Variants in FRMD3 observed in about 807,000 individuals in gnomAD.
The protein encoded by FRMD3 is FERM domain containing 3, also known as FERM domain-containing protein 3.
Under a neutral mutation model 70.2 loss-of-function variants are expected in FRMD3, and 33 were observed. That is an observed-to-expected ratio of 0.47 (90% confidence interval 0.36 to 0.63). The LOEUF is 0.63. Ranked by LOEUF, FRMD3 falls within the 20% of genes least tolerant of loss-of-function variation. FRMD3 has a pLI of 0.00. For missense variants in FRMD3, 632 were observed against 711.4 expected, an observed-to-expected ratio of 0.89 and a Z score of 1.27; for synonymous variants, 279 against 255.9, an observed-to-expected ratio of 1.09 and a Z score of -0.86.
At chr9:83,358,239 G>A (rs1469226071) in intron 3 of FRMD3, among the ~76,000 whole-genome samples, 1 of 152,190 alleles carries the variant, frequency 6.6e-6, no homozygotes, top group Non-Finnish European at 1.5e-5. Context: ...TCAGTTGGCT[G>A]TAAGTATTTG....
intron 1 of FRMD3, among the ~76,000 whole-genome samples, chr9:83,464,095 G>C (rs1828051546): frequency 6.6e-6 from 1 of 152,158 alleles, no homozygotes; most frequent in African/African-American, 2.4e-5. Context: ...TGGCAACAAA[G>C]GCCATCAGAC....
At chr9:83,267,409 G>C in intron 13 of FRMD3, 1 of 805,406 alleles carries the variant, frequency 1.2e-6, no homozygotes, top group Middle Eastern at 4.3e-4. Context: ...TAAACCTTCC[G>C]GACCAAAACA....
intron 1 of FRMD3, among the ~76,000 whole-genome samples, chr9:83,407,808 T>C (rs1299491508): frequency 7.2e-6 from 1 of 137,940 alleles, no homozygotes; most frequent in Non-Finnish European, 1.5e-5. Flanking sequence ...CCTAGACTGG[T>C]CTGGCCAGCA....
At chr9:83,273,163 T>C in intron 13 of FRMD3, among the ~76,000 whole-genome samples, 1 of 152,236 alleles carries the variant, frequency 6.6e-6, no homozygotes. Context: ...CGGGCCATGA[T>C]GACGATGGTG....
At chr9:83,542,703 A>G (rs996228888), upstream of FRMD3, among the ~76,000 whole-genome samples, 2 of 152,248 alleles carry the variant, frequency 1.3e-5, no homozygotes, top group East Asian at 3.8e-4. Flanking sequence ...TTAAGACTTA[A>G]TATAAAACCA....
rs185270520 is a variant in FRMD3, at chr9:83,493,655, C to T, written c.147+44430G>A. 1.2e-4 allele frequency among the ~76,000 whole-genome samples: 18 copies of T among 152,308 alleles called. No individual in the cohort carries two copies. In the East Asian group the frequency reaches 2.7e-3, roughly 23 times the overall value. On this transcript the variant is annotated intron_variant, in intron 1 of 13. Transcript: ENST00000304195. ...CTTCTCAGAGCCTTTAAGATGTAAACGTGACTTGTGAGTTTCCAAGACAGG... is the reference window on the plus strand; with the variant it reads ...CTTCTCAGAGCCTTTAAGATGTAAATGTGACTTGTGAGTTTCCAAGACAGG...
chr9:83,564,640 A>G, the FRMD3 span, among the ~76,000 whole-genome samples: 3 of 152,222 alleles, frequency 2.0e-5, no homozygotes, highest in Non-Finnish European at 2.9e-5. Context: ...GATGTGGTCC[A>G]TGTTGAATTG....
chr9:83,249,301 T>G (rs1362593378), intron 13 of FRMD3, among the ~76,000 whole-genome samples: 2 of 152,238 alleles, frequency 1.3e-5, no homozygotes, highest in East Asian at 3.9e-4. Flanking sequence ...GAACTTTTTC[T>G]AATGTTTATT....
intron 1 of FRMD3, among the ~76,000 whole-genome samples, chr9:83,407,907 CTT>C (rs1381503879): frequency 5.0e-5 from 6 of 118,818 alleles, no homozygotes; most frequent in South Asian, 2.7e-4. Flanking sequence ...TCTCTCTCAT[CTT>C]TCTCTCTCCC....
At chr9:83,491,367 T>TA (rs1161325719) in intron 1 of FRMD3, among the ~76,000 whole-genome samples, 1 of 152,236 alleles carries the variant, frequency 6.6e-6, no homozygotes, top group Admixed American at 6.5e-5. Flanking sequence ...CGAGTTTTCT[T>TA]ACTCCGTGGG....
chr9:83,484,600 T>A (rs1054361360), intron 1 of FRMD3, among the ~76,000 whole-genome samples: 1 of 152,148 alleles, frequency 6.6e-6, no homozygotes, highest in African/African-American at 2.4e-5. Flanking sequence ...TTATTTTTAG[T>A]AGAGACAGGG....
In FRMD3 at chr9:83,515,553, T is replaced by G. The variant is rs1360181714; in HGVS notation, c.147+22532A>C. On this transcript the variant is annotated intron_variant, in intron 1 of 13. Coordinates refer to ENST00000304195, the MANE Select transcript of FRMD3 (RefSeq NM_174938.6). ...AAATTAGAAAATACTCTTCAGGATA[T>G]TATCCAGGAGAACTTCCCCAACCTA... Among the ~76,000 whole-genome samples the G allele has an allele frequency of 1.3e-5, 2 of 152,160 alleles. 1 individual carries two copies.
chr9:83,530,276 A>G (rs79643828), intron 1 of FRMD3, among the ~76,000 whole-genome samples: 10,766 of 152,326 alleles, frequency 0.071, 517 homozygotes, highest in South Asian at 0.14. Context: ...TGATATATCT[A>G]TGCAATGGAC....
At chr9:83,343,381 C>A (rs746193341) in intron 4 of FRMD3, 94 bp from the exon 5 acceptor site, 26 of 825,524 alleles carry the variant, frequency 3.1e-5, no homozygotes, top group East Asian at 1.3e-4. Flanking sequence ...GTGACCAGAG[C>A]TTTTCCCAGC....
chr9:83,360,399 C>T lies in FRMD3; in HGVS notation c.296-10642G>A, dbSNP rs573975418. On this transcript the variant is annotated intron_variant, in intron 3 of 13. Coordinates refer to ENST00000304195, the MANE Select transcript of FRMD3 (RefSeq NM_174938.6). The stretch of plus-strand genomic sequence containing the variant: ...CCACCAAAGGGAGACATGAACAAAG[C>T]CTTCCTACCCACTTGGCCCACACTT... Among the ~76,000 whole-genome samples, 7 of 152,294 alleles carry T rather than the reference C, an allele frequency of 4.6e-5. No homozygotes were observed. The South Asian group carries it at 1.0e-3, about 23-fold the overall frequency.
At chr9:83,354,466 A>G (rs1215534072) in intron 3 of FRMD3, among the ~76,000 whole-genome samples, 1 of 152,200 alleles carries the variant, frequency 6.6e-6, no homozygotes, top group Non-Finnish European at 1.5e-5. Flanking sequence ...ACTCATGGAC[A>G]TAAAGATGGA....
chr9:83,353,472 T>C (rs953542936), intron 3 of FRMD3, among the ~76,000 whole-genome samples: 1 of 152,096 alleles, frequency 6.6e-6, no homozygotes, highest in African/African-American at 2.4e-5. Flanking sequence ...TGCATGAGGG[T>C]ATAGAATAAT....
intron 1 of FRMD3, among the ~76,000 whole-genome samples, chr9:83,423,498 G>A (rs73648556): frequency 2.0e-5 from 3 of 150,684 alleles, no homozygotes; most frequent in African/African-American, 7.3e-5. Context: ...CTCATATGGT[G>A]CTGCCCCAAT....
chr9:83,312,898 G>A (rs1220929684), intron 7 of FRMD3, among the ~76,000 whole-genome samples: 1 of 152,192 alleles, frequency 6.6e-6, no homozygotes, highest in African/African-American at 2.4e-5. Context: ...CTAATGCTTT[G>A]CCAAATAAGA....
Sources: allele counts gnomAD v4.1 joint callset (sites outside exome capture counted in the v4.1 genomes callset), GRCh38; gene constraint gnomAD v4.1.1; transcripts MANE v1.5; gene names NCBI Gene and HGNC (gene_info 2026-07-23, HGNC 2026-07-21).